The following DPYSL2 variants were observed in gnomAD, a reference collection of about 807,000 sequenced individuals.
DPYSL2 encodes the protein dihydropyrimidinase like 2, also known as dihydropyrimidinase-related protein 2.
DPYSL2 carries 13 observed loss-of-function variants against 69.9 expected under a neutral mutation model. That is an observed-to-expected ratio of 0.19 (90% CI 0.12 to 0.30). The LOEUF is 0.30. Ranked by LOEUF, DPYSL2 falls within the 10% of genes least tolerant of loss-of-function variation. The pLI is 1.00. For missense variants in DPYSL2, 587 were observed against 918.9 expected, an observed-to-expected ratio of 0.64 and a Z score of 4.67; for synonymous variants, 326 against 359.1, an observed-to-expected ratio of 0.91 and a Z score of 1.04.
intron 3 of DPYSL2, chr8:26,623,814 C>T (rs576505842): frequency 6.8e-5 from 16 of 234,668 alleles, no homozygotes; most frequent in Middle Eastern, 1.6e-3. Flanking sequence ...GGCTGCTCCC[C>T]GGCCATTTGA....
chr8:26,592,470 T>G (rs1443597958), intron 3 of DPYSL2, among the ~76,000 whole-genome samples: 9 of 88,608 alleles, frequency 1.0e-4, no homozygotes, highest in African/African-American at 2.1e-4. Context: ...TAGTTTTTTT[T>G]TTTTTGTTTT....
At chr8:26,577,390 C>CG (rs1043062744) in intron 1 of DPYSL2, 3 of 159,152 alleles carry the variant, frequency 1.9e-5, no homozygotes, top group East Asian at 1.9e-4. Context: ...CCAGCAACGG[C>CG]GGGGGAGGAG....
At chr8:26,634,941 G>T (rs539422560) in intron 8 of DPYSL2, 41 bp downstream of exon 8, 1 of 1,611,110 alleles carries the variant, frequency 6.2e-7, no homozygotes. Flanking sequence ...AGGTGGGGAG[G>T]TTTGGAGGGG....
chr8:26,615,704 A>C (rs953824470), intron 3 of DPYSL2, among the ~76,000 whole-genome samples: 1 of 152,188 alleles, frequency 6.6e-6, no homozygotes, highest in Non-Finnish European at 1.5e-5. Context: ...CTTATAGCTT[A>C]CAAATACCAT....
At position 26,554,546 on chromosome 8, in the gene DPYSL2, T is replaced by G. The variant is rs537992655; in HGVS notation, c.355-27423T>G. Among the ~76,000 whole-genome samples, 4 of 152,228 alleles carry G rather than the reference T, an allele frequency of 2.6e-5. No homozygotes were observed. In the South Asian group the frequency reaches 8.3e-4, roughly 31 times the overall value. On this transcript the variant is annotated intron_variant, in intron 1 of 13. Coordinates refer to ENST00000521913, the MANE Select transcript of DPYSL2 (RefSeq NM_001197293.3). ...TTCCATCCCATATGTCAATTTTTGC[T>G]TTTGTTGTGTTTGCTTTTGGCATCT...
At chr8:26,592,792 A>G (rs1448315272) in intron 3 of DPYSL2, among the ~76,000 whole-genome samples, 3 of 152,096 alleles carry the variant, frequency 2.0e-5, no homozygotes, top group Non-Finnish European at 4.4e-5. Context: ...ATTAGTTTTA[A>G]AGGGAAGATT....
rs1802564507 is a variant in DPYSL2 at position 26,624,192 on chromosome 8, C to G, written c.678C>G (p.Asp226Glu). ...GGACAAGCCTGCTCGCTGCCTTTGA[C>G]CAGTGGAGGGAATGGGCCGACAGCA... ...EPGTSLLAAF[D>E]QWREWADSKS... Residue 226 changes from aspartate to glutamate, a missense_variant, in exon 4 of 14, where the codon GAC becomes GAG. Coordinates refer to ENST00000521913, the MANE Select transcript of DPYSL2 (RefSeq NM_001197293.3). This position sits in a 1 kb window ranked among gnomAD's most constrained non-coding sequence, Gnocchi z 4.7. The G allele has an allele frequency of 1.9e-6, 3 of 1,614,062 alleles. No individual in the cohort carries two copies. Among genetic ancestry groups the G allele is most frequent in the African/African-American group, 2.7e-5 (2 of 74,908 alleles).
chr8:26,632,354 G>C (rs1328094075), intron 7 of DPYSL2, among the ~76,000 whole-genome samples: 1 of 152,230 alleles, frequency 6.6e-6, no homozygotes, highest in Non-Finnish European at 1.5e-5. Context: ...AGTGAGTGTA[G>C]AGATAGAATT....
intron 1 of DPYSL2, among the ~76,000 whole-genome samples, chr8:26,547,201 AAAAATGC>A (rs1354201000): frequency 6.6e-6 from 1 of 151,826 alleles, no homozygotes; most frequent in Non-Finnish European, 1.5e-5. Flanking sequence ...TGTCTCTACT[AAAAATGC>A]AAAAATTAGC....
At chr8:26,579,149 A>T (rs981389887) in intron 1 of DPYSL2, among the ~76,000 whole-genome samples, 1 of 152,212 alleles carries the variant, frequency 6.6e-6, no homozygotes, top group Non-Finnish European at 1.5e-5. Context: ...GCGACGCGGG[A>T]GCAGATGGCC....
intron 3 of DPYSL2, among the ~76,000 whole-genome samples, chr8:26,622,195 T>A (rs1802508200): frequency 6.6e-6 from 1 of 150,610 alleles, no homozygotes; most frequent in Non-Finnish European, 1.5e-5. Context: ...CTTTTATTTT[T>A]GTTTTGGGTG....
At chr8:26,559,989 T>G (rs1414144046) in intron 1 of DPYSL2, among the ~76,000 whole-genome samples, 3 of 152,232 alleles carry the variant, frequency 2.0e-5, no homozygotes, top group African/African-American at 7.2e-5. Context: ...CATCTCATTA[T>G]GCTGAGCTGA....
In DPYSL2 at chr8:26,605,851, A is replaced by G. The variant is rs554464415; in HGVS notation, c.629-18292A>G. Among the ~76,000 whole-genome samples, 25 of 152,320 alleles carry G rather than the reference A, an allele frequency of 1.6e-4. No individual in the cohort carries two copies. The South Asian group carries it at 3.5e-3, about 21-fold the overall frequency. ...CTATGTTAGTGAACAGAAAAACCCA[A>G]TACTGTAAAGAAGTGTATACTTTAG... On this transcript the variant is annotated intron_variant, in intron 3 of 13. Transcript: ENST00000521913. The surrounding 1 kb of genome is among the most constrained non-coding windows in gnomAD (Gnocchi z 4.1).
chr8:26,634,931 A>C (rs1364202280), intron 8 of DPYSL2, 31 bp downstream of exon 8: 1 of 1,610,836 alleles, frequency 6.2e-7, no homozygotes, highest in Admixed American at 1.7e-5. Flanking sequence ...GGCTGATGGC[A>C]GGTGGGGAGG....
At chr8:26,630,200 AC>A (rs1802736229) in intron 7 of DPYSL2, among the ~76,000 whole-genome samples, 1 of 152,230 alleles carries the variant, frequency 6.6e-6, no homozygotes, top group Non-Finnish European at 1.5e-5. Context: ...CTATGCAGGC[AC>A]CATCCCCCTT....
Position 26,614,390 on chromosome 8 carries a change from G to T in DPYSL2, c.629-9753G>T, listed in dbSNP as rs1442718296. Among the ~76,000 whole-genome samples the T allele has an allele frequency of 6.6e-6, 1 of 152,158 alleles. No homozygotes were observed. Among genetic ancestry groups the T allele is most frequent in the Non-Finnish European group, 1.5e-5 (1 of 68,026 alleles). ...CATTCAGCTCCCTCCATAGCTCGAT[G>T]AGAAGAGAGGGGTGGGGACAGGCGG... is the stretch of plus-strand genomic sequence containing the variant. On this transcript the variant is annotated intron_variant, in intron 3 of 13. Transcript: ENST00000521913. The surrounding 1 kb of genome is among the most constrained non-coding windows in gnomAD (Gnocchi z 4.9).
intron 1 of DPYSL2, among the ~76,000 whole-genome samples, chr8:26,557,661 T>C (rs1411276877): frequency 7.0e-6 from 1 of 142,284 alleles, no homozygotes; most frequent in African/African-American, 2.6e-5. Flanking sequence ...TTGTGGTACA[T>C]GCCTATAATC....
At chr8:26,616,739 C>G (rs976288950) in intron 3 of DPYSL2, among the ~76,000 whole-genome samples, 1 of 152,212 alleles carries the variant, frequency 6.6e-6, no homozygotes. Context: ...CATCCTCCCT[C>G]TTCCCTCCTG....
At chr8:26,534,183 TA>T (rs1333428842) in intron 1 of DPYSL2, among the ~76,000 whole-genome samples, 5 of 152,106 alleles carry the variant, frequency 3.3e-5, no homozygotes, top group South Asian at 4.1e-4. Context: ...TTTCACTTAA[TA>T]TTTTTTTTAT....
Sources: allele counts gnomAD v4.1 joint callset (sites outside exome capture counted in the v4.1 genomes callset), GRCh38; gene constraint gnomAD v4.1.1; non-coding constraint Gnocchi (gnomAD v3.1); transcripts MANE v1.5; gene names NCBI Gene and HGNC (gene_info 2026-07-23, HGNC 2026-07-21).